Variants in DCHS2 observed in about 807,000 individuals in gnomAD.
DCHS2 encodes the protein protocadherin-23.
A neutral mutation model predicts 182.4 loss-of-function variants in DCHS2; 142 were observed. The ratio of observed to expected loss-of-function variants is 0.78; its 90% confidence interval spans 0.68 to 0.89. The LOEUF is 0.89. DCHS2 is among the 40% of genes least tolerant of loss of function. DCHS2 has a pLI of 0.00. For synonymous variants in DCHS2, 1,740 were observed against 1,663.3 expected (o/e 1.05, Z -1.12); for missense variants, 4,319 against 4,198.6 (o/e 1.03, Z -0.79).
Position 154,240,718 on chromosome 4 carries a change from A to G in DCHS2, c.7178T>C (p.Phe2393Ser). The change falls in exon 18 of 20, where the codon TTT (phenylalanine) becomes TCT (serine). Residue 2393 changes from phenylalanine to serine, a missense_variant. Transcript: ENST00000357232. ...CACTCCAGTGTTCTGATCAATAGCA[A>G]ACTTGGTTCCAGGATTACTCTCTTT... ...FAKESNPGTK[F>S]AIDQNTGVVV... The G allele has an allele frequency of 6.2e-7, 1 of 1,613,962 alleles. No homozygotes were observed. The highest frequency in any genetic ancestry group is 1.3e-5 in the African/African-American group (1 of 75,026).
chr4:154,328,729 A>C (rs940464017), intron 6 of DCHS2, among the ~76,000 whole-genome samples: 3 of 152,338 alleles, frequency 2.0e-5, no homozygotes, highest in African/African-American at 4.8e-5. Context: ...GATATGATTA[A>C]AAAGTGTAAT....
chr4:154,427,427 A>G (rs137939535), intron 1 of DCHS2, among the ~76,000 whole-genome samples: 3 of 152,292 alleles, frequency 2.0e-5, no homozygotes, highest in African/African-American at 7.2e-5. Flanking sequence ...TCTGTACCAC[A>G]CTTCTCTTTT....
At chr4:154,391,143 ATTTT>A in intron 1 of DCHS2, 1 of 1,601,736 alleles carries the variant, frequency 6.2e-7, no homozygotes, top group South Asian at 1.1e-5. Context: ...GCTGATACTT[ATTTT>A]TAATTTTTGT....
chr4:154,393,565 A>T (rs1220189821), intron 1 of DCHS2, among the ~76,000 whole-genome samples: 1 of 152,210 alleles, frequency 6.6e-6, no homozygotes, highest in Non-Finnish European at 1.5e-5. Flanking sequence ...AATTCTGGCT[A>T]TGTCCAAAAG....
intron 1 of DCHS2, among the ~76,000 whole-genome samples, chr4:154,399,701 T>G (rs1732077727): frequency 1.3e-5 from 2 of 152,224 alleles, no homozygotes; most frequent in Admixed American, 1.3e-4. Context: ...AAGGGATTCA[T>G]GCACCAAAGC....
At chr4:154,323,422 G>A in intron 7 of DCHS2, 1 of 1,504,622 alleles carries the variant, frequency 6.6e-7, no homozygotes. Flanking sequence ...CTGGAGTTCA[G>A]GGTCGCAAGC....
Position 154,240,602 on chromosome 4 carries a change from C to A in DCHS2, c.7294G>T (p.Ala2432Ser). 1 of 1,613,912 alleles carries A rather than the reference C, an allele frequency of 6.2e-7. No individual in the cohort carries two copies. The highest frequency in any genetic ancestry group is 8.5e-7 in the Non-Finnish European group (1 of 1,179,900). Residue 2432 changes from alanine (A) to serine (S), a missense_variant, in exon 18 of 20, where the codon GCA becomes TCA. By Grantham distance (99) the Ala-to-Ser change is moderately conservative. Coordinates refer to ENST00000357232, the MANE Select transcript of DCHS2 (RefSeq NM_001358235.2). ...ACATCCAGCACACGGACTACAAGTG[C>A]TCCCTCTGTGTAGTGCACTGAATCA... The part of the protein sequence containing the change: ...ISDSVHYTEG[A>S]LVVRVLDVND...
At chr4:154,333,630 G>T in intron 4 of DCHS2, 136 bp from the exon 5 acceptor site, 1 of 839,814 alleles carries the variant, frequency 1.2e-6, no homozygotes, top group South Asian at 1.8e-5. Flanking sequence ...TACTATGATG[G>T]TTCCGTAAGA....
intron 2 of DCHS2, among the ~76,000 whole-genome samples, chr4:154,370,119 C>T (rs978715301): frequency 6.6e-6 from 1 of 151,768 alleles, no homozygotes; most frequent in Non-Finnish European, 1.5e-5. Context: ...ATTCAATAAA[C>T]AAAGGTGGAA....
chr4:154,272,226 A>G (rs1733633723), intron 13 of DCHS2: 1 of 152,040 alleles, frequency 6.6e-6, no homozygotes. Flanking sequence ...TGCTATGAAC[A>G]TTCATACACA....
intron 13 of DCHS2, among the ~76,000 whole-genome samples, chr4:154,278,494 G>GA (rs928629473): frequency 2.6e-5 from 4 of 151,616 alleles, no homozygotes; most frequent in Non-Finnish European, 5.9e-5. Flanking sequence ...AAATCTGAGG[G>GA]AAAAAATAGA....
intron 1 of DCHS2, among the ~76,000 whole-genome samples, chr4:154,446,559 C>A (rs766878685): frequency 1.1e-4 from 17 of 152,084 alleles, no homozygotes; most frequent in Middle Eastern, 3.2e-3. Context: ...CTGCATTTTA[C>A]AGATGAGGAA....
At chr4:154,307,436 C>T (rs1040648399) in intron 10 of DCHS2, among the ~76,000 whole-genome samples, 20 of 29,992 alleles carry the variant, frequency 6.7e-4, no homozygotes, top group East Asian at 4.2e-3. Context: ...CACAGATGTG[C>T]GCGCGCACAC....
At chr4:154,314,562 A>G (rs563959692) in intron 10 of DCHS2, among the ~76,000 whole-genome samples, 1 of 152,300 alleles carries the variant, frequency 6.6e-6, no homozygotes, top group East Asian at 1.9e-4. Context: ...TCATTAAAAG[A>G]CAGTGTTTTC....
At chr4:154,375,573 GA>G (rs952963024) in intron 2 of DCHS2, among the ~76,000 whole-genome samples, 31 of 151,388 alleles carry the variant, frequency 2.0e-4, no homozygotes, top group Admixed American at 5.9e-4. Context: ...CAATAAACAT[GA>G]AAAAAAACCT....
At chr4:154,327,673 AT>A (rs1226623903) in intron 7 of DCHS2, among the ~76,000 whole-genome samples, 1 of 152,150 alleles carries the variant, frequency 6.6e-6, no homozygotes, top group African/African-American at 2.4e-5. Context: ...TACATGTGAC[AT>A]TTTCTAGGCA....
chr4:154,399,894 T>A (rs1025059093), intron 1 of DCHS2, among the ~76,000 whole-genome samples: 4 of 152,214 alleles, frequency 2.6e-5, no homozygotes, highest in Admixed American at 6.5e-5. Flanking sequence ...CTGCTGTGAA[T>A]GAGCTGTGAG....
intron 1 of DCHS2, among the ~76,000 whole-genome samples, chr4:154,396,182 C>T (rs1731921483): frequency 6.9e-6 from 1 of 144,132 alleles, no homozygotes; most frequent in Admixed American, 7.1e-5. Flanking sequence ...TTGTTCAATA[C>T]TTTATTCTCA....
intron 16 of DCHS2, among the ~76,000 whole-genome samples, chr4:154,245,823 C>A (rs1732044907): frequency 6.6e-6 from 1 of 151,916 alleles, no homozygotes; most frequent in African/African-American, 2.4e-5. Flanking sequence ...ATGAGTGGGC[C>A]AAAGGAAATC....
Sources: allele counts gnomAD v4.1 joint callset (sites outside exome capture counted in the v4.1 genomes callset), GRCh38; gene constraint gnomAD v4.1.1; transcripts MANE v1.5; gene names NCBI Gene and HGNC (gene_info 2026-07-23, HGNC 2026-07-21).